Variants in PRKAG2 observed in about 807,000 individuals in gnomAD.
PRKAG2 encodes 5'-AMP-activated protein kinase subunit gamma-2.
PRKAG2 carries 26 observed loss-of-function variants against 69.6 expected under a neutral mutation model. The ratio of observed to expected loss-of-function variants is 0.37; its 90% CI spans 0.27 to 0.52. PRKAG2 has a LOEUF of 0.52. Ranked by LOEUF, PRKAG2 falls within the 20% of genes least tolerant of loss-of-function variation. PRKAG2 has a pLI of 0.90. For missense variants in PRKAG2, 557 were observed against 740.0 expected, an observed-to-expected ratio of 0.75 and a Z score of 2.87; for synonymous variants, 293 against 285.0, an observed-to-expected ratio of 1.03 and a Z score of -0.28.
At chr7:151,637,341 C>T (rs983860822) in intron 4 of PRKAG2, among the ~76,000 whole-genome samples, 107 of 152,196 alleles carry the variant, frequency 7.0e-4, no homozygotes, top group African/African-American at 2.4e-3. Flanking sequence ...AAATTCTTAC[C>T]GGTGTTTATG....
chr7:151,774,593 T>A (rs2076244854), intron 3 of PRKAG2, among the ~76,000 whole-genome samples: 1 of 152,028 alleles, frequency 6.6e-6, no homozygotes, highest in South Asian at 2.1e-4. Flanking sequence ...GATCACTTGA[T>A]GTGAGGAGTT....
Position 151,565,333 on chromosome 7 carries a change from T to C in PRKAG2, c.1437+13A>G, listed in dbSNP as rs1328097420. On this transcript the variant is annotated intron_variant, in intron 13 of 15. Transcript: ENST00000287878. ...ATTCTAGGTGACAGATTGAACAAAA[T>C]TAAAATACTTACAATTACATCAAAT... is the stretch of plus-strand genomic sequence containing the variant. 7.2e-7 allele frequency: 1 copy of C among 1,380,542 alleles called. No individual in the cohort carries two copies. The highest frequency in any genetic ancestry group is 1.4e-5 in the African/African-American group (1 of 69,646). The allele number at this position is 1,380,542 out of a possible 1,614,324, so 85.5% of individuals were successfully genotyped here. A position where few individuals can be genotyped will look rare whatever the true frequency, so the allele number is the denominator to read the frequency against.
chr7:151,601,857 G>C (rs1484516254), intron 5 of PRKAG2, among the ~76,000 whole-genome samples: 2 of 152,278 alleles, frequency 1.3e-5, no homozygotes, highest in Admixed American at 1.3e-4. Context: ...ACCAATGGAG[G>C]GGACAGTGAC....
chr7:151,780,433 A>T lies in PRKAG2; in HGVS notation c.466+719T>A, dbSNP rs1164252815. On this transcript the variant is annotated intron_variant, in intron 3 of 15. Coordinates refer to ENST00000287878, the MANE Select transcript of PRKAG2 (RefSeq NM_016203.4). The surrounding 1 kb of genome is among the most constrained non-coding windows in gnomAD (Gnocchi z 4.2). ...TATCTTCCCCAATACAAATGTTCTAAGTCAGTAGAAAGAACTGGAAAGAAT... is the reference window on the plus strand; with the variant it reads ...TATCTTCCCCAATACAAATGTTCTATGTCAGTAGAAAGAACTGGAAAGAAT... Among the ~76,000 whole-genome samples, 2 of 152,256 alleles carry T rather than the reference A, an allele frequency of 1.3e-5. No individual in the cohort carries two copies. The highest frequency in any genetic ancestry group is 4.8e-5 in the African/African-American group (2 of 41,472).
intron 1 of PRKAG2, among the ~76,000 whole-genome samples, chr7:151,874,212 TGTATATG>T (rs1333469585): frequency 3.3e-4 from 44 of 133,954 alleles, no homozygotes; most frequent in Non-Finnish European, 4.9e-4. Context: ...TATATGTATA[TGTATATG>T]ATGTATATGT....
Position 151,777,455 on chromosome 7 carries a change from G to T in PRKAG2, c.466+3697C>A, listed in dbSNP as rs3935852. 3.3e-5 allele frequency among the ~76,000 whole-genome samples: 5 copies of T among 152,128 alleles called. No individual in the cohort carries two copies. Among genetic ancestry groups the T allele is most frequent in the Admixed American group, 1.3e-4 (2 of 15,286 alleles). Reference sequence around the variant, plus strand: ...GGGGGCAGATGCCTCATGAATGGCTGGGTTGCCTCCCTGCGGCAGTGAGTC... The same window carrying T: ...GGGGGCAGATGCCTCATGAATGGCTTGGTTGCCTCCCTGCGGCAGTGAGTC... On this transcript the variant is annotated intron_variant, in intron 3 of 15. Coordinates refer to ENST00000287878, the MANE Select transcript of PRKAG2 (RefSeq NM_016203.4). This position sits in a 1 kb window ranked among gnomAD's most constrained non-coding sequence, Gnocchi z 4.3.
At chr7:151,641,534 C>T (rs1246139725) in intron 4 of PRKAG2, among the ~76,000 whole-genome samples, 4 of 151,416 alleles carry the variant, frequency 2.6e-5, no homozygotes, top group Admixed American at 2.0e-4. Flanking sequence ...AGGCAGGAGC[C>T]ACCAGAACCG....
intron 3 of PRKAG2, among the ~76,000 whole-genome samples, chr7:151,709,490 TTA>T (rs896147787): frequency 1.3e-5 from 2 of 152,072 alleles, no homozygotes; most frequent in African/African-American, 2.4e-5. Context: ...TTCTGTGACA[TTA>T]TGTGTCTGTG....
At chr7:151,706,752 G>A (rs1156889033) in intron 3 of PRKAG2, among the ~76,000 whole-genome samples, 2 of 152,252 alleles carry the variant, frequency 1.3e-5, no homozygotes, top group Admixed American at 6.5e-5. Context: ...AGCAGCTTCA[G>A]CAAACGCTCA....
chr7:151,781,376 G>A lies in PRKAG2; in HGVS notation c.242C>T (p.Pro81Leu). The change falls in exon 3 of 16, where the codon CCC becomes CTC. Residue 81 changes from proline to leucine, a missense_variant. Physicochemically the swap from Pro to Leu is moderately conservative, Grantham distance 98. Coordinates refer to ENST00000287878, the MANE Select transcript of PRKAG2 (RefSeq NM_016203.4). This position sits in a 1 kb window ranked among gnomAD's most constrained non-coding sequence, Gnocchi z 6.1. Reference sequence around the variant, plus strand: ...CATGGGGCTGGAGGGCCGGGGCTGGGGGCCTCTGGAGAAGAACCCTTTGGA... The same window carrying A: ...CATGGGGCTGGAGGGCCGGGGCTGGAGGCCTCTGGAGAAGAACCCTTTGGA... ...SPSKGFFSRG[P>L]QPRPSSPMSA... is the part of the protein sequence containing the mutation. 1 of 1,612,820 alleles carries A rather than the reference G, an allele frequency of 6.2e-7. No homozygotes were observed. Among genetic ancestry groups the A allele is most frequent in the South Asian group, 1.1e-5 (1 of 91,006 alleles).
chr7:151,641,013 T>C (rs1826573089), intron 4 of PRKAG2, among the ~76,000 whole-genome samples: 1 of 152,224 alleles, frequency 6.6e-6, no homozygotes, highest in Non-Finnish European at 1.5e-5. Context: ...ACCTCATTGC[T>C]GTTTGGAAAT....
chr7:151,722,237 G>A, intron 3 of PRKAG2, among the ~76,000 whole-genome samples: 1 of 152,256 alleles, frequency 6.6e-6, no homozygotes, highest in Middle Eastern at 3.4e-3. Flanking sequence ...TATAAAAGGG[G>A]TTCAGCCCAT....
chr7:151,718,117 C>A (rs1796451920), intron 3 of PRKAG2, among the ~76,000 whole-genome samples: 1 of 152,130 alleles, frequency 6.6e-6, no homozygotes, highest in Non-Finnish European at 1.5e-5. Flanking sequence ...CTTGGGCTGG[C>A]AGAACAGAGC....
Position 151,731,624 on chromosome 7 carries a change from T to C in PRKAG2, c.466+49528A>G, listed in dbSNP as rs1798954167. Among the ~76,000 whole-genome samples, 4 of 152,278 alleles carry C rather than the reference T, an allele frequency of 2.6e-5. No homozygotes were observed. The South Asian group carries it at 8.3e-4, about 32-fold the overall frequency. On this transcript the variant is annotated intron_variant, in intron 3 of 15. Transcript: ENST00000287878. ...GCCCCCAGATAAACAGTGTGCACCTTGTCCCTGGGGAAGCAGCTCCATGCT... is the reference window on the plus strand; with the variant it reads ...GCCCCCAGATAAACAGTGTGCACCTCGTCCCTGGGGAAGCAGCTCCATGCT...
chr7:151,598,776 C>T (rs1433752351), intron 5 of PRKAG2, among the ~76,000 whole-genome samples: 1 of 151,974 alleles, frequency 6.6e-6, no homozygotes, highest in African/African-American at 2.4e-5. Context: ...AAAATGGTAA[C>T]AATGTGGACA....
chr7:151,680,942 G>A (rs900589279), intron 3 of PRKAG2, among the ~76,000 whole-genome samples: 1 of 152,218 alleles, frequency 6.6e-6, no homozygotes, highest in African/African-American at 2.4e-5. Context: ...TGTTGTGCAA[G>A]GGATGTTCAC....
chr7:151,647,408 T>A (rs1276664690), intron 4 of PRKAG2, among the ~76,000 whole-genome samples: 1 of 152,116 alleles, frequency 6.6e-6, no homozygotes, highest in Admixed American at 6.5e-5. Flanking sequence ...TAGGTGACAG[T>A]TATAATTGGG....
At chr7:151,573,677 G>A (rs1033887243) in intron 8 of PRKAG2, among the ~76,000 whole-genome samples, 7 of 152,152 alleles carry the variant, frequency 4.6e-5, no homozygotes, top group Non-Finnish European at 1.0e-4. Context: ...TATAAGGAAA[G>A]CCCGTGTTCA....
chr7:151,610,607 G>A (rs1052172577), intron 5 of PRKAG2, among the ~76,000 whole-genome samples: 1 of 150,898 alleles, frequency 6.6e-6, no homozygotes, highest in African/African-American at 2.4e-5. Context: ...AACCCAGGAG[G>A]CAGAAGTTGC....
Sources: allele counts gnomAD v4.1 joint callset (sites outside exome capture counted in the v4.1 genomes callset), GRCh38; gene constraint gnomAD v4.1.1; non-coding constraint Gnocchi (gnomAD v3.1); transcripts MANE v1.5; gene names NCBI Gene and HGNC (gene_info 2026-07-23, HGNC 2026-07-21).